The following FASN variants were observed in gnomAD, a reference collection of about 807,000 sequenced individuals.
The protein encoded by FASN is fatty acid synthase.
A neutral mutation model predicts 250.0 loss-of-function variants in FASN; 50 were observed. That is an observed-to-expected ratio of 0.20 (90% CI 0.16 to 0.25). FASN has a LOEUF of 0.25. Among genes scored for constraint, FASN ranks in the 10% least tolerant of loss-of-function variants. FASN has a pLI of 1.00. For missense variants in FASN, 3,031 were observed against 3,498.5 expected (o/e 0.87, Z 3.37); for synonymous variants, 1,909 against 1,584.0 (o/e 1.21, Z -4.87).
intron 3 of FASN, among the ~76,000 whole-genome samples, chr17:82,094,933 G>A (rs2034278362): frequency 6.6e-6 from 1 of 150,384 alleles, no homozygotes; most frequent in Non-Finnish European, 1.5e-5. Context: ...TAGTGGGGAG[G>A]GTGGGAGGGG....
At chr17:82,080,079 C>T in intron 41 of FASN, 61 bp downstream of exon 41, 2 of 1,533,344 alleles carry the variant, frequency 1.3e-6, no homozygotes, top group Non-Finnish European at 1.8e-6. Context: ...TCCTTCCCTT[C>T]CCCCTTCCGT....
Position 82,093,261 on chromosome 17 carries a change from T to C in FASN, c.613A>G (p.Met205Val). The C allele has an allele frequency of 1.3e-6, 2 of 1,594,408 alleles. No homozygotes were observed. Among genetic ancestry groups the C allele is most frequent in the Middle Eastern group, 1.8e-4 (1 of 5,640 alleles). ...NTSVQFLRLGMLSPEGTCKAF... is the reference protein window; with the variant it reads ...NTSVQFLRLGVLSPEGTCKAF... ...TTGCAGGTGCCCTCGGGGCTGAGCATCCCCAGCCTCAAGAACTGCACGGAG... is the reference window on the plus strand; with the variant it reads ...TTGCAGGTGCCCTCGGGGCTGAGCACCCCCAGCCTCAAGAACTGCACGGAG... Residue 205 changes from methionine (M) to valine (V), a missense_variant, in exon 5 of 43, where the codon ATG (methionine) becomes GTG (valine). Physicochemically the swap from Met to Val is conservative, Grantham distance 21 (BLOSUM62 1). Transcript: ENST00000306749.
chr17:82,085,997 A>G, intron 22 of FASN, 126 bp from the exon 23 acceptor site: 1 of 1,283,250 alleles, frequency 7.8e-7, no homozygotes, highest in Non-Finnish European at 1.0e-6. Context: ...TGACGGTGCC[A>G]GCCATGGGCA....
chr17:82,081,312 C>T lies in FASN; in HGVS notation c.6447G>A (p.Leu2149=), dbSNP rs1169941820. 1 of 1,557,262 alleles carries T rather than the reference C, an allele frequency of 6.4e-7. No homozygotes were observed. The highest frequency in any genetic ancestry group is 8.7e-7 in the Non-Finnish European group (1 of 1,150,708). The change falls in exon 38 of 43, where the codon CTG becomes CTA. Residue 2149 remains leucine (L), a synonymous_variant. Transcript: ENST00000306749. ...DLAAVNLDSS[L]ADLGLDSLMS... ...TGAGCGAGTCCAGGCCCAGGTCCGC[C>T]AGTGAGCTGTCCAGGTTGACAGCAG...
At chr17:82,091,726 C>T in intron 8 of FASN, 42 bp from the exon 9 acceptor site, 1 of 1,507,798 alleles carries the variant, frequency 6.6e-7, no homozygotes, top group African/African-American at 1.4e-5. Context: ...CCCACTCCCT[C>T]TACCACTGCC....
rs147165408 is a variant in FASN, at chr17:82,084,851, G to A, written c.4512C>T (p.Asn1504=). Residue 1504 remains asparagine, a synonymous_variant, in exon 26 of 43, where the codon AAC becomes AAT. Coordinates refer to ENST00000306749, the MANE Select transcript of FASN (RefSeq NM_004104.5). ...QKVLQGDLVM[N]VYRDGAWGAF... Reference sequence around the variant, plus strand: ...CCCCCCAGGCCCCGTCGCGGTAGACGTTCATCACCAGGTCTCCCTGCAACA... The same window carrying A: ...CCCCCCAGGCCCCGTCGCGGTAGACATTCATCACCAGGTCTCCCTGCAACA... The A allele has an allele frequency of 2.3e-5, 36 of 1,550,486 alleles. No individual in the cohort carries two copies. Among genetic ancestry groups the A allele is most frequent in the African/African-American group, 2.2e-4 (16 of 73,188 alleles).
chr17:82,090,580 G>A lies in FASN; in HGVS notation c.1681-16C>T, dbSNP rs1414563171. ...TGAGGCCTATCTGGGGTGGGAACAG[G>A]ACACTCAGGTTGCAACCTCCAGCAG... On this transcript the variant is annotated splice_polypyrimidine_tract_variant and intron_variant, in intron 10 of 42. Transcript: ENST00000306749. 6.2e-7 allele frequency: 1 copy of A among 1,607,556 alleles called. No homozygotes were observed. Among genetic ancestry groups the A allele is most frequent in the Admixed American group, 1.7e-5 (1 of 59,588 alleles).
At chr17:82,096,995 G>C (rs1288164988) in intron 1 of FASN, 1 of 226,858 alleles carries the variant, frequency 4.4e-6, no homozygotes, top group East Asian at 1.1e-4. Flanking sequence ...GGGGTACTCA[G>C]CACCCATGCT....
In FASN at chr17:82,082,669, G is replaced by A. The variant is rs1381984330; in HGVS notation, c.5777C>T (p.Ala1926Val). 8 of 1,608,772 alleles carry A rather than the reference G, an allele frequency of 5.0e-6. No homozygotes were observed. The highest frequency in any genetic ancestry group is 6.8e-6 in the Non-Finnish European group (8 of 1,179,850). ...GCGCCTCCACCGGCGGACCTGCTTG[G>A]CCTGGTAGCCTGCGGGACACAGGAC... ...SRSGIRTGYQ[A>V]KQVRRWRRQG... is the part of the protein sequence containing the mutation. The change falls in exon 34 of 43, where the codon GCC becomes GTC. Residue 1926 changes from alanine to valine, a missense_variant. Coordinates refer to ENST00000306749, the MANE Select transcript of FASN (RefSeq NM_004104.5).
At chr17:82,089,566 G>T in intron 12 of FASN, 66 bp downstream of exon 12, 1 of 1,546,150 alleles carries the variant, frequency 6.5e-7, no homozygotes, top group Non-Finnish European at 8.8e-7. Flanking sequence ...GTGGCCGCGT[G>T]TCCCTGCCAG....
In FASN at chr17:82,084,916, C is replaced by T. The variant is rs2228305; in HGVS notation, c.4447G>A (p.Val1483Ile). 0.035 allele frequency: 54,365 copies of T among 1,551,942 alleles called. 1,238 individuals carry two copies. Among genetic ancestry groups the T allele is most frequent in the South Asian group, 0.081 (6,797 of 84,338 alleles). Residue 1483 changes from valine to isoleucine, a missense_variant, in exon 26 of 43, where the codon GTC becomes ATC. Coordinates refer to ENST00000306749, the MANE Select transcript of FASN (RefSeq NM_004104.5). ...GCGGAGCCCGGGTCCACCTCCGGGA[C>T]GTGGGAGGTGCTGCTGAGGTTGGAG... ...LLSNLSSTSH[V>I]PEVDPGSAEL...
rs374868284 is a variant in FASN at position 82,083,185 on chromosome 17, G to A, written c.5565+17C>T. 3.7e-5 allele frequency: 59 copies of A among 1,611,962 alleles called. No homozygotes were observed. The highest frequency in any genetic ancestry group is 1.5e-4 in the African/African-American group (11 of 75,028). The stretch of plus-strand genomic sequence containing the variant: ...CAGAGCCTGGGGTGCCCGAGGCGCC[G>A]GGACTCCTCCCCTCACCTGCACGAC... On this transcript the variant is annotated intron_variant, in intron 32 of 42. Coordinates refer to ENST00000306749, the MANE Select transcript of FASN (RefSeq NM_004104.5).
In FASN at chr17:82,084,819, C is replaced by T. The variant is rs1037856079; in HGVS notation, c.4544G>A (p.Arg1515His). 21 of 1,550,134 alleles carry T rather than the reference C, an allele frequency of 1.4e-5. No homozygotes were observed. Among genetic ancestry groups the T allele is most frequent in the Non-Finnish European group, 1.7e-5 (19 of 1,146,974 alleles). ...VYRDGAWGAF[R>H]HFLLEEDKPE... The stretch of plus-strand genomic sequence containing the variant: ...CTCACCCTCCTCCAGCAGGAAGTGG[C>T]GGAAAGCCCCCCAGGCCCCGTCGCG... The change falls in exon 26 of 43, where the codon CGC (arginine) becomes CAC (histidine). Residue 1515 changes from arginine (R) to histidine (H), a missense_variant. Transcript: ENST00000306749.
At chr17:82,082,190 C>G in intron 35 of FASN, 30 bp from the exon 36 acceptor site, 1 of 1,600,980 alleles carries the variant, frequency 6.2e-7, no homozygotes, top group Non-Finnish European at 8.5e-7. Context: ...TCCCCATTGG[C>G]CAGCATCCCC....
chr17:82,085,547 G>T lies in FASN; in HGVS notation c.4057C>A (p.Leu1353Ile), dbSNP rs1442242738. 7 of 1,596,034 alleles carry T rather than the reference G, an allele frequency of 4.4e-6. No homozygotes were observed. Among genetic ancestry groups the T allele is most frequent in the Non-Finnish European group, 5.1e-6 (6 of 1,172,050 alleles). Residue 1353 changes from leucine to isoleucine, a missense_variant, in exon 23 of 43, where the codon CTC (leucine) becomes ATC (isoleucine). Coordinates refer to ENST00000306749, the MANE Select transcript of FASN (RefSeq NM_004104.5). ...GTGAGGAAGGCCACGATGTCCCCGAGGGGGTGCCCCCGGAGCAGTGTGTGC... is the reference window on the plus strand; with the variant it reads ...GTGAGGAAGGCCACGATGTCCCCGATGGGGTGCCCCCGGAGCAGTGTGTGC... Reference protein sequence around the residue: ...LLHTLLRGHPLGDIVAFLTST... With the variant: ...LLHTLLRGHPIGDIVAFLTST...
At position 82,095,309 on chromosome 17, in the gene FASN, G is replaced by A. The variant is rs1438739720; in HGVS notation, c.280+11C>T. The stretch of plus-strand genomic sequence containing the variant: ...AGCCCTCGGCGCAGCAGTCGCGAAT[G>A]CCCGACCCACCTCCGTCCACGATGG... On this transcript the variant is annotated intron_variant, in intron 3 of 42. Transcript: ENST00000306749. 1.2e-6 allele frequency: 2 copies of A among 1,612,686 alleles called. No homozygotes were observed. The highest frequency in any genetic ancestry group is 1.7e-5 in the Admixed American group (1 of 60,032).
chr17:82,097,547 G>C (rs900889719), intron 1 of FASN: 4 of 152,240 alleles, frequency 2.6e-5, no homozygotes, highest in African/African-American at 9.7e-5. Flanking sequence ...CCGCACGCTG[G>C]GTCCTCGCCG....
chr17:82,081,326 G>T lies in FASN; in HGVS notation c.6433C>A (p.Leu2145Met). ...LGIRDLAAVN[L>M]DSSLADLGLD... ...CCCAGGTCCGCCAGTGAGCTGTCCAGGTTGACAGCAGCCAAGTCGCGGATG... is the reference window on the plus strand; with the variant it reads ...CCCAGGTCCGCCAGTGAGCTGTCCATGTTGACAGCAGCCAAGTCGCGGATG... Residue 2145 changes from leucine (L) to methionine (M), a missense_variant, in exon 38 of 43, where the codon CTG (leucine) becomes ATG (methionine). Transcript: ENST00000306749. The T allele has an allele frequency of 6.4e-7, 1 of 1,558,482 alleles. No individual in the cohort carries two copies.
rs1173251414 is a variant in FASN at position 82,081,853 on chromosome 17, AG to A, written c.6164-11del. ...CACTGCACGGCCAGGCCTGTGGGGG[AG>A]GGGGCAGGTGGGCAGAGCTGCGGGG... On this transcript the variant is annotated splice_polypyrimidine_tract_variant and intron_variant, in intron 36 of 42. Transcript: ENST00000306749. The A allele has an allele frequency of 1.3e-6, 2 of 1,523,656 alleles. No individual in the cohort carries two copies. Among genetic ancestry groups the A allele is most frequent in the Non-Finnish European group, 1.8e-6 (2 of 1,136,480 alleles). The allele number at this position is 1,523,656 out of a possible 1,614,324, so 94.4% of individuals were successfully genotyped here.
Sources: gnomAD v4.1 joint callset for allele counts (sites outside exome capture counted in the v4.1 genomes callset) on GRCh38, gnomAD v4.1.1 for gene constraint, MANE v1.5 for transcripts, NCBI Gene and HGNC (gene_info 2026-07-23, HGNC 2026-07-21) for gene names.